The following GRM5 variants were observed in gnomAD, a reference collection of about 807,000 sequenced individuals.
GRM5 encodes the protein metabotropic glutamate receptor 5.
Under a neutral mutation model 83.1 loss-of-function variants are expected in GRM5, and 19 were observed. That is an observed-to-expected ratio of 0.23 (90% CI 0.16 to 0.34). GRM5 has a LOEUF of 0.34. Among genes scored for constraint, GRM5 ranks in the 10% least tolerant of loss-of-function variants. GRM5 has a pLI of 1.00. For missense variants in GRM5, 1,160 were observed against 1,588.3 expected (o/e 0.73, Z 4.58); for synonymous variants, 675 against 633.6 (o/e 1.07, Z -0.98).
At chr11:88,906,413 C>T (rs930816046) in intron 2 of GRM5, among the ~76,000 whole-genome samples, 8 of 152,040 alleles carry the variant, frequency 5.3e-5, no homozygotes, top group African/African-American at 1.9e-4. Flanking sequence ...GATTATCTCA[C>T]CAGATGGCTT....
intron 4 of GRM5, among the ~76,000 whole-genome samples, chr11:88,645,486 G>T (rs1478180687): frequency 6.6e-6 from 1 of 152,078 alleles, no homozygotes; most frequent in East Asian, 1.9e-4. Flanking sequence ...TCATGAAATG[G>T]TGGGAACACA....
At chr11:88,815,072 A>T (rs557861329) in intron 3 of GRM5, among the ~76,000 whole-genome samples, 2 of 152,208 alleles carry the variant, frequency 1.3e-5, no homozygotes, top group Non-Finnish European at 2.9e-5. Flanking sequence ...CCATCACTCA[A>T]CAAGGGCTAA....
intron 2 of GRM5, among the ~76,000 whole-genome samples, chr11:89,036,454 C>T (rs1345929538): frequency 6.6e-6 from 1 of 151,826 alleles, no homozygotes. Flanking sequence ...TTCTTCAAGG[C>T]CAAGATAAGG....
At chr11:88,794,513 C>G (rs573979978) in intron 3 of GRM5, among the ~76,000 whole-genome samples, 2 of 151,978 alleles carry the variant, frequency 1.3e-5, no homozygotes, top group Non-Finnish European at 2.9e-5. Flanking sequence ...TTCTGTTAGA[C>G]ATTTAGAGGA....
Position 88,567,205 on chromosome 11 carries a change from C to T in GRM5, c.2478G>A (p.Leu826=), listed in dbSNP as rs547280213. 12 of 1,614,096 alleles carry T rather than the reference C, an allele frequency of 7.4e-6. 1 individual carries two copies. In the South Asian group the frequency reaches 1.1e-4, roughly 15 times the overall value. ...CMFVPKVYII[L]AKPERNVRSA... ...TGCGCACGTTTCTCTCTGGTTTGGC[C>T]AGGATGATGTACACCTTCGGCACAA... The change falls in exon 8 of 10, where the codon CTG becomes CTA. Residue 826 remains leucine, a synonymous_variant. Coordinates refer to ENST00000305447, the MANE Select transcript of GRM5 (RefSeq NM_001143831.3). The surrounding 1 kb of genome is among the most constrained non-coding windows in gnomAD (Gnocchi z 7.3).
At chr11:88,697,751 T>A (rs1386261839) in intron 3 of GRM5, among the ~76,000 whole-genome samples, 2 of 152,228 alleles carry the variant, frequency 1.3e-5, no homozygotes, top group East Asian at 3.8e-4. Context: ...AAATCAGGGA[T>A]CATAGCACTG....
At chr11:88,556,867 G>A (rs779023086) in intron 8 of GRM5, among the ~76,000 whole-genome samples, 1 of 151,986 alleles carries the variant, frequency 6.6e-6, no homozygotes, top group Non-Finnish European at 1.5e-5. Flanking sequence ...TGTTCCATCA[G>A]GGTCACTTGG....
At chr11:88,998,204 T>C (rs1940257224) in intron 2 of GRM5, among the ~76,000 whole-genome samples, 1 of 152,012 alleles carries the variant, frequency 6.6e-6, no homozygotes, top group East Asian at 1.9e-4. Context: ...TAGGTAGAAT[T>C]CAGCAGTACA....
intron 4 of GRM5, among the ~76,000 whole-genome samples, chr11:88,647,188 G>T (rs1194677181): frequency 6.6e-6 from 1 of 151,962 alleles, no homozygotes; most frequent in African/African-American, 2.4e-5. Flanking sequence ...TACCGAATTA[G>T]GGGCCTACCC....
chr11:88,995,819 C>T (rs1478406004), intron 2 of GRM5, among the ~76,000 whole-genome samples: 1 of 151,818 alleles, frequency 6.6e-6, no homozygotes, highest in Non-Finnish European at 1.5e-5. Flanking sequence ...TCTTGAAATT[C>T]CAAATAAAAT....
chr11:88,734,947 A>C (rs1325723076), intron 3 of GRM5, among the ~76,000 whole-genome samples: 1 of 152,070 alleles, frequency 6.6e-6, no homozygotes, highest in Non-Finnish European at 1.5e-5. Flanking sequence ...TTGCTAAATT[A>C]GTATTTTAAT....
chr11:88,590,297 T>TA (rs1937615017), intron 7 of GRM5, among the ~76,000 whole-genome samples: 1 of 152,160 alleles, frequency 6.6e-6, no homozygotes, highest in African/African-American at 2.4e-5. Flanking sequence ...ATGACACACA[T>TA]AACTGGGACC....
intron 3 of GRM5, among the ~76,000 whole-genome samples, chr11:88,749,116 T>C (rs1591486675): frequency 6.6e-6 from 1 of 152,128 alleles, no homozygotes; most frequent in African/African-American, 2.4e-5. Context: ...TTGACAGAAG[T>C]AGGCTTCAAA....
intron 8 of GRM5, among the ~76,000 whole-genome samples, chr11:88,564,154 G>A (rs1942820262): frequency 6.6e-6 from 1 of 152,138 alleles, no homozygotes; most frequent in African/African-American, 2.4e-5. Context: ...TCAGACTGTG[G>A]CCTGTGTCAG....
Position 88,956,001 on chromosome 11 carries a change from A to G in GRM5, c.661+91211T>C, listed in dbSNP as rs780896431. ...TACAAATTATTTTTTTAAAAATTCA[A>G]TTGTGAAACAGCATTTGTATTTTGT... is the stretch of plus-strand genomic sequence containing the variant. On this transcript the variant is annotated intron_variant, in intron 2 of 9. Transcript: ENST00000305447. 2.0e-5 allele frequency among the ~76,000 whole-genome samples: 3 copies of G among 152,236 alleles called. No individual in the cohort carries two copies. The East Asian group carries it at 5.8e-4, about 29-fold the overall frequency.
At chr11:88,707,140 A>C (rs1324768359) in intron 3 of GRM5, among the ~76,000 whole-genome samples, 1 of 151,950 alleles carries the variant, frequency 6.6e-6, no homozygotes, top group Non-Finnish European at 1.5e-5. Flanking sequence ...TTGGTACTTG[A>C]GTGTATGGGG....
At chr11:88,997,959 T>G (rs187104801) in intron 2 of GRM5, among the ~76,000 whole-genome samples, 89 of 152,102 alleles carry the variant, frequency 5.9e-4, no homozygotes, top group African/African-American at 2.0e-3. Context: ...TTTATGAATA[T>G]AGTACATTCA....
At chr11:88,918,219 A>G (rs1945628404) in intron 2 of GRM5, among the ~76,000 whole-genome samples, 1 of 151,880 alleles carries the variant, frequency 6.6e-6, no homozygotes, top group Non-Finnish European at 1.5e-5. Context: ...AACAAACCAA[A>G]CAAACAAACA....
chr11:88,938,753 T>C (rs1937985948), intron 2 of GRM5, among the ~76,000 whole-genome samples: 1 of 151,756 alleles, frequency 6.6e-6, no homozygotes, highest in Non-Finnish European at 1.5e-5. Context: ...TTCATTTGAA[T>C]GTCTTTTTTT....
Sources: allele counts gnomAD v4.1 joint callset (sites outside exome capture counted in the v4.1 genomes callset), GRCh38; gene constraint gnomAD v4.1.1; non-coding constraint Gnocchi (gnomAD v3.1); transcripts MANE v1.5; gene names NCBI Gene and HGNC (gene_info 2026-07-23, HGNC 2026-07-21).